FGD6: variants seen among roughly 807,000 people sequenced by gnomAD.
FGD6 encodes FYVE, RhoGEF and PH domain containing 6.
FGD6 carries 90 observed loss-of-function variants against 149.4 expected under a neutral mutation model. The ratio of observed to expected loss-of-function variants is 0.60; its 90% CI spans 0.51 to 0.72. The LOEUF (loss-of-function observed/expected upper bound fraction) is 0.72. Among genes scored for constraint, FGD6 ranks in the 30% least tolerant of loss-of-function variants. The pLI is 0.00. For missense variants in FGD6, 1,437 were observed against 1,684.8 expected (o/e 0.85, Z 2.57); for synonymous variants, 527 against 584.0 (o/e 0.90, Z 1.41).
At chr12:95,118,895 A>G (rs1483563176) in intron 8 of FGD6, among the ~76,000 whole-genome samples, 1 of 152,196 alleles carries the variant, frequency 6.6e-6, no homozygotes, top group African/African-American at 2.4e-5. Context: ...TTAAATACCA[A>G]AAACAAGCAT....
chr12:95,178,570 T>G (rs1213003096), intron 2 of FGD6, among the ~76,000 whole-genome samples: 1 of 152,220 alleles, frequency 6.6e-6, no homozygotes, highest in Non-Finnish European at 1.5e-5. Flanking sequence ...ATCAATTTTT[T>G]TATGTCCTTG....
chr12:95,093,497 T>C (rs1276159304), intron 15 of FGD6, among the ~76,000 whole-genome samples: 1 of 151,658 alleles, frequency 6.6e-6, no homozygotes, highest in African/African-American at 2.4e-5. Context: ...CTGACCAACA[T>C]GGAGAAACCC....
chr12:95,104,995 GA>G lies in FGD6; in HGVS notation c.3497+11del, dbSNP rs759692979. Reference sequence around the variant, plus strand: ...AGAAAAAAAAAAAAAAAAAGAAGAAGAAAAAATTTACCTGGCTGAGAGAATG... The same window carrying G: ...AGAAAAAAAAAAAAAAAAAGAAGAAGAAAAATTTACCTGGCTGAGAGAATG... On this transcript the variant is annotated intron_variant, in intron 14 of 20. Coordinates refer to ENST00000343958, the MANE Select transcript of FGD6 (RefSeq NM_018351.4). The G allele has an allele frequency of 2.0e-6, 3 of 1,485,750 alleles. No homozygotes were observed. The South Asian group carries it at 4.0e-5, about 20-fold the overall frequency. 92.0% of individuals were successfully genotyped at this position (1,485,750 alleles called of 1,614,324 possible).
chr12:95,132,073 C>T (rs955091418), intron 8 of FGD6, among the ~76,000 whole-genome samples: 1 of 152,066 alleles, frequency 6.6e-6, no homozygotes, highest in African/African-American at 2.4e-5. Flanking sequence ...AAAGATTTCC[C>T]AATCTAAGAT....
Position 95,210,571 on chromosome 12 carries a change from T to A in FGD6, c.713A>T (p.His238Leu), listed in dbSNP as rs1345871708. 1.2e-6 allele frequency: 2 copies of A among 1,614,216 alleles called. No homozygotes were observed. Among genetic ancestry groups the A allele is most frequent in the South Asian group, 1.1e-5 (1 of 91,078 alleles). The part of the protein sequence containing the change: ...SPSSFEKVPD[H>L]HSCHLQLPSD... Reference sequence around the variant, plus strand: ...AGGAAGCTGTAAGTGGCAACTGTGATGATCAGGAACTTTTTCAAAGCTGGA... The same window carrying A: ...AGGAAGCTGTAAGTGGCAACTGTGAAGATCAGGAACTTTTTCAAAGCTGGA... Residue 238 changes from histidine (H) to leucine (L), a missense_variant, in exon 2 of 21, where the codon CAT becomes CTT. By Grantham distance (99) the His-to-Leu change is moderately conservative. This residue lies in a region of FGD6 where 1,055 missense variants were observed against 1,146.0 expected (regional missense o/e 0.92). Transcript: ENST00000343958.
At chr12:95,193,492 G>T (rs1881648783) in intron 2 of FGD6, among the ~76,000 whole-genome samples, 2 of 150,554 alleles carry the variant, frequency 1.3e-5, no homozygotes, top group South Asian at 4.2e-4. Context: ...TGAGTAGCTG[G>T]AATTACAGAT....
chr12:95,135,590 T>C lies in FGD6; in HGVS notation c.2995-764A>G, dbSNP rs1252967011. ...CTCATTCTCCAACCTAAGAGTTTAC[T>C]GTGAGGTGGCATCAAAAAGGCCAAG... On this transcript the variant is annotated intron_variant, in intron 7 of 20. Coordinates refer to ENST00000343958, the MANE Select transcript of FGD6 (RefSeq NM_018351.4). Among the ~76,000 whole-genome samples, 3 of 152,338 alleles carry C rather than the reference T, an allele frequency of 2.0e-5. No individual in the cohort carries two copies. The East Asian group carries it at 5.8e-4, about 29-fold the overall frequency.
chr12:95,194,349 C>T (rs927992015), intron 2 of FGD6, among the ~76,000 whole-genome samples: 2 of 152,112 alleles, frequency 1.3e-5, no homozygotes, highest in African/African-American at 4.8e-5. Flanking sequence ...GATTCTCCTG[C>T]CCCAGCCTCC....
intron 2 of FGD6, among the ~76,000 whole-genome samples, chr12:95,180,651 G>C (rs1881256870): frequency 2.0e-5 from 3 of 152,010 alleles, no homozygotes; most frequent in Admixed American, 6.6e-5. Flanking sequence ...GCCTGCCTCA[G>C]CCTCCCAAAG....
intron 7 of FGD6, among the ~76,000 whole-genome samples, chr12:95,137,099 G>A (rs569665094): frequency 6.6e-6 from 1 of 152,246 alleles, no homozygotes; most frequent in African/African-American, 2.4e-5. Flanking sequence ...CCAATGTGGT[G>A]AAACCCCATC....
intron 1 of FGD6, among the ~76,000 whole-genome samples, chr12:95,213,752 A>G (rs977804232): frequency 1.3e-5 from 2 of 152,352 alleles, no homozygotes; most frequent in South Asian, 2.1e-4. Flanking sequence ...CAGAAATTCA[A>G]TTAACTACGT....
chr12:95,154,658 C>T (rs1390739099), intron 3 of FGD6, among the ~76,000 whole-genome samples: 1 of 152,168 alleles, frequency 6.6e-6, no homozygotes, highest in Non-Finnish European at 1.5e-5. Context: ...AGAAAGAGGT[C>T]TCTTTGCATT....
intron 3 of FGD6, among the ~76,000 whole-genome samples, chr12:95,156,712 C>T (rs1278895693): frequency 4.6e-5 from 7 of 152,074 alleles, no homozygotes; most frequent in Non-Finnish European, 8.8e-5. Flanking sequence ...GCTGGTTTTA[C>T]GGCTCAGGGG....
At chr12:95,191,432 G>A (rs752008316) in intron 2 of FGD6, among the ~76,000 whole-genome samples, 4 of 152,196 alleles carry the variant, frequency 2.6e-5, no homozygotes, top group Non-Finnish European at 4.4e-5. Flanking sequence ...CTGGAAGCCT[G>A]GTCAGTGGGA....
intron 2 of FGD6, among the ~76,000 whole-genome samples, chr12:95,180,935 C>G (rs1881264971): frequency 6.6e-6 from 1 of 151,992 alleles, no homozygotes; most frequent in African/African-American, 2.4e-5. Context: ...TGTTCTTTCC[C>G]TTTCTCCCCC....
At chr12:95,185,583 C>T (rs537335070) in intron 2 of FGD6, among the ~76,000 whole-genome samples, 1 of 152,230 alleles carries the variant, frequency 6.6e-6, no homozygotes, top group Admixed American at 6.5e-5. Flanking sequence ...AGATAATAGG[C>T]CGGGCGCAGT....
chr12:95,182,176 T>C (rs1180132045), intron 2 of FGD6, among the ~76,000 whole-genome samples: 2 of 120,012 alleles, frequency 1.7e-5, no homozygotes, highest in Admixed American at 9.4e-5. Flanking sequence ...AAGAGAATAC[T>C]TCACAGTTGC....
At chr12:95,082,978 C>T (rs1308145029) in intron 20 of FGD6, among the ~76,000 whole-genome samples, 1 of 84,466 alleles carries the variant, frequency 1.2e-5, no homozygotes, top group Non-Finnish European at 2.2e-5. Context: ...TAGACTCTGT[C>T]TCCATTAAAA....
chr12:95,162,563 C>T (rs934212214), intron 3 of FGD6, among the ~76,000 whole-genome samples: 2 of 152,028 alleles, frequency 1.3e-5, no homozygotes, highest in African/African-American at 4.8e-5. Context: ...ATAGCCCCAG[C>T]CTTCAAGAAG....
Sources: allele counts gnomAD v4.1 joint callset (sites outside exome capture counted in the v4.1 genomes callset), GRCh38; gene constraint gnomAD v4.1.1; regional missense constraint gnomAD v4.1.1; transcripts MANE v1.5; gene names NCBI Gene and HGNC (gene_info 2026-07-23, HGNC 2026-07-21).